Variants in TNS3 observed in about 807,000 individuals in gnomAD.
TNS3 encodes the protein tensin 3, also known as tensin-3.
TNS3 carries 45 observed loss-of-function variants against 140.9 expected under a neutral mutation model. The ratio of observed to expected loss-of-function variants is 0.32; its 90% confidence interval spans 0.25 to 0.41. The LOEUF is 0.41. TNS3 is among the 10% of genes least tolerant of loss of function. The pLI, the probability that TNS3 is intolerant of heterozygous loss-of-function variation, is 1.00. For synonymous variants in TNS3, 815 were observed against 788.4 expected, an observed-to-expected ratio of 1.03 and a Z score of -0.56; for missense variants, 1,716 against 1,906.7, an observed-to-expected ratio of 0.90 and a Z score of 1.86.
chr7:47,320,473 G>A (rs1050245585), intron 20 of TNS3, among the ~76,000 whole-genome samples: 1 of 152,234 alleles, frequency 6.6e-6, no homozygotes, highest in African/African-American at 2.4e-5. Context: ...TGAACCAACA[G>A]AAATGTATCC....
chr7:47,528,690 C>T (rs990782293), intron 2 of TNS3, among the ~76,000 whole-genome samples: 2 of 152,198 alleles, frequency 1.3e-5, no homozygotes, highest in African/African-American at 4.8e-5. Context: ...AAGATAGAAA[C>T]ATTTCATTCG....
chr7:47,444,113 T>C (rs372486813), intron 4 of TNS3, among the ~76,000 whole-genome samples: 2 of 152,222 alleles, frequency 1.3e-5, no homozygotes, highest in South Asian at 4.1e-4. Flanking sequence ...AATCTCATTA[T>C]GGGGAAACTC....
chr7:47,346,709 C>T (rs1203492517), intron 17 of TNS3, among the ~76,000 whole-genome samples: 1 of 152,186 alleles, frequency 6.6e-6, no homozygotes, highest in Admixed American at 6.5e-5. Flanking sequence ...GATGACCCAG[C>T]TGGGAAGGAG....
chr7:47,400,644 G>A, intron 14 of TNS3, 141 bp downstream of exon 14: 2 of 1,436,038 alleles, frequency 1.4e-6, no homozygotes, highest in South Asian at 2.7e-5. Flanking sequence ...AGGGATCAAT[G>A]ATCATTTTCT....
At chr7:47,512,800 T>G (rs997104199) in intron 2 of TNS3, among the ~76,000 whole-genome samples, 2 of 152,232 alleles carry the variant, frequency 1.3e-5, no homozygotes, top group African/African-American at 4.8e-5. Flanking sequence ...GATTCGGAAT[T>G]GGAAAAGCTG....
At chr7:47,336,510 G>A (rs1788639874) in intron 20 of TNS3, among the ~76,000 whole-genome samples, 1 of 152,192 alleles carries the variant, frequency 6.6e-6, no homozygotes, top group Non-Finnish European at 1.5e-5. Flanking sequence ...GTTTTGGTTT[G>A]CTTTTTGTGT....
rs145260005 is a variant in TNS3, at chr7:47,389,184, C to CAGA, written c.1024+7613_1024+7615dup. On this transcript the variant is annotated intron_variant, in intron 16 of 30. Transcript: ENST00000311160. ...GAAGAAGCAGCAGAAGCAGAAGAAG[C>CAGA]AGAAGAAGAAGAAGAAGAAGAAGAG... Among the ~76,000 whole-genome samples the CAGA allele has an allele frequency of 2.7e-3, 203 of 75,564 alleles. 27 individuals are homozygous for CAGA. The highest frequency in any genetic ancestry group is 7.5e-3 in the Middle Eastern group (1 of 134). The allele number at this position is 75,564 out of a possible 152,430, so 49.6% of individuals were successfully genotyped here. A position where few individuals can be genotyped will look rare whatever the true frequency, so the allele number is the denominator to read the frequency against.
intron 4 of TNS3, among the ~76,000 whole-genome samples, chr7:47,456,660 G>A (rs4724581): frequency 0.31 from 47,451 of 152,036 alleles, 8,101 homozygotes; most frequent in East Asian, 0.55. Flanking sequence ...AAGCTGAGGA[G>A]GTAAATGATG....
At chr7:47,428,213 C>G in intron 9 of TNS3, 99 bp downstream of exon 9, 4 of 844,790 alleles carry the variant, frequency 4.7e-6, no homozygotes, top group Non-Finnish European at 1.7e-6. Context: ...GTCAGCCGAG[C>G]CCTTGGTATC....
intron 16 of TNS3, among the ~76,000 whole-genome samples, chr7:47,382,636 C>T (rs376890312): frequency 1.3e-5 from 2 of 151,984 alleles, no homozygotes; most frequent in Non-Finnish European, 2.9e-5. Context: ...TTAGTATGTG[C>T]GGGGGATTGG....
At chr7:47,411,563 C>T (rs1395317788) in intron 13 of TNS3, among the ~76,000 whole-genome samples, 164 bp downstream of exon 13, 2 of 152,180 alleles carry the variant, frequency 1.3e-5, no homozygotes, top group African/African-American at 2.4e-5. Context: ...ACGGCCCAGG[C>T]GTGGGGGACC....
intron 10 of TNS3, 141 bp downstream of exon 10, chr7:47,423,960 C>T (rs1305828840): frequency 2.4e-6 from 2 of 831,660 alleles, no homozygotes; most frequent in Non-Finnish European, 3.7e-6. Context: ...AGTCTCCCCA[C>T]CACCTTCACA....
chr7:47,530,838 A>AAAAAAAAAAAAAATATATATATATATAT, intron 1 of TNS3, among the ~76,000 whole-genome samples: 1 of 54,560 alleles, frequency 1.8e-5, no homozygotes, highest in Non-Finnish European at 3.3e-5. Flanking sequence ...AAAAAAAAAA[A>AAAAAAAAAAAAAATATATATATATATAT]ATATATATAT....
chr7:47,281,249 A>G (rs1785130007), intron 28 of TNS3, among the ~76,000 whole-genome samples: 1 of 152,152 alleles, frequency 6.6e-6, no homozygotes, highest in Non-Finnish European at 1.5e-5. Flanking sequence ...CTCACCTGAC[A>G]GCCCTTAGTC....
At chr7:47,340,092 C>CATATATATATATATATATATAT (rs199944761) in intron 20 of TNS3, among the ~76,000 whole-genome samples, 1 of 46,040 alleles carries the variant, frequency 2.2e-5, no homozygotes, top group South Asian at 1.0e-3. Flanking sequence ...TGTGCATATA[C>CATATATATATATATATATATAT]ATATATATAT....
intron 20 of TNS3, among the ~76,000 whole-genome samples, chr7:47,340,111 ATATATTTTTT>A (rs1443075932): frequency 2.4e-5 from 1 of 42,356 alleles, no homozygotes; most frequent in African/African-American, 9.6e-5. Flanking sequence ...ATATATATAT[ATATATTTTTT>A]TTTTTTTTTT....
intron 27 of TNS3, among the ~76,000 whole-genome samples, chr7:47,286,325 T>C (rs941992265): frequency 6.6e-6 from 1 of 152,150 alleles, no homozygotes; most frequent in African/African-American, 2.4e-5. Context: ...AGGAACTATG[T>C]CATCATTCCT....
Position 47,400,924 on chromosome 7 carries a change from A to G in TNS3, c.724-10T>C. The G allele has an allele frequency of 6.2e-7, 1 of 1,614,056 alleles. No homozygotes were observed. Among genetic ancestry groups the G allele is most frequent in the Non-Finnish European group, 8.5e-7 (1 of 1,179,924 alleles). ...TGTGGTAGCATTTCACCTGGGTTAG[A>G]GAGACAAAACAAAACAAAGTAGCTG... On this transcript the variant is annotated splice_polypyrimidine_tract_variant and intron_variant, in intron 13 of 30. Transcript: ENST00000311160.
intron 17 of TNS3, among the ~76,000 whole-genome samples, chr7:47,366,305 A>C (rs188540571): frequency 6.6e-6 from 1 of 152,146 alleles, no homozygotes; most frequent in Admixed American, 6.5e-5. Context: ...TAATCTACTC[A>C]TGGGGGACTC....
Sources: allele counts gnomAD v4.1 joint callset (sites outside exome capture counted in the v4.1 genomes callset), GRCh38; gene constraint gnomAD v4.1.1; transcripts MANE v1.5; gene names NCBI Gene and HGNC (gene_info 2026-07-23, HGNC 2026-07-21).